Variants in CCDC102B observed in about 807,000 individuals in gnomAD.
CCDC102B encodes the protein coiled-coil domain-containing protein 102B.
Under a neutral mutation model 57.4 loss-of-function variants are expected in CCDC102B, and 75 were observed. The observed-to-expected ratio is 1.31, with a 90% CI of 1.08 to 1.58. The LOEUF (loss-of-function observed/expected upper bound fraction) is 1.58. CCDC102B is among the 40% of genes most tolerant of loss of function. The pLI is 0.00. For synonymous variants in CCDC102B, 206 were observed against 201.9 expected, an observed-to-expected ratio of 1.02 and a Z score of -0.17; for missense variants, 636 against 582.6, an observed-to-expected ratio of 1.09 and a Z score of -0.94.
intron 6 of CCDC102B, chr18:68,899,743 A>G (rs1165164036): frequency 6.6e-6 from 1 of 152,160 alleles, no homozygotes; most frequent in Non-Finnish European, 1.5e-5. Context: ...TAAAAATTTT[A>G]TAAGTCCCTA....
At chr18:68,944,397 T>C (rs1308070245) in intron 6 of CCDC102B, among the ~76,000 whole-genome samples, 1 of 152,108 alleles carries the variant, frequency 6.6e-6, no homozygotes, top group Non-Finnish European at 1.5e-5. Flanking sequence ...AGAAATATAT[T>C]TCTCACGTTT....
At chr18:68,996,306 T>C (rs902143686) in intron 6 of CCDC102B, among the ~76,000 whole-genome samples, 2 of 152,146 alleles carry the variant, frequency 1.3e-5, no homozygotes, top group African/African-American at 2.4e-5. Flanking sequence ...TAAAAATCTT[T>C]TGGACTCTTA....
In CCDC102B at chr18:68,914,665, G is replaced by A. The variant is rs1435385077; in HGVS notation, c.1263+17237G>A. ...TTATCACACCACCACTACTATCTCC[G>A]ACCTCACTGATTCACCAGAAATTGG... On this transcript the variant is annotated intron_variant, in intron 6 of 7. Transcript: ENST00000360242. Among the ~76,000 whole-genome samples the A allele has an allele frequency of 7.9e-5, 12 of 152,042 alleles. No individual in the cohort carries two copies. In the East Asian group the frequency reaches 1.7e-3, roughly 22 times the overall value.
intron 2 of CCDC102B, among the ~76,000 whole-genome samples, chr18:68,781,154 A>T (rs1194675202): frequency 6.6e-6 from 1 of 152,138 alleles, no homozygotes; most frequent in Non-Finnish European, 1.5e-5. Flanking sequence ...TGAAAAGTAC[A>T]AAACAAAATG....
chr18:68,799,089 G>A (rs1306583341), intron 1 of CCDC102B, among the ~76,000 whole-genome samples: 1 of 151,926 alleles, frequency 6.6e-6, no homozygotes, highest in Non-Finnish European at 1.5e-5. Flanking sequence ...GGGAAATGGT[G>A]TTATTACAAC....
chr18:68,915,579 T>G (rs2041042747), intron 6 of CCDC102B, among the ~76,000 whole-genome samples: 1 of 152,232 alleles, frequency 6.6e-6, no homozygotes, highest in African/African-American at 2.4e-5. Flanking sequence ...AGATTTGTCC[T>G]TTATTAAATA....
At chr18:68,735,837 T>C (rs975163678) in intron 2 of CCDC102B, among the ~76,000 whole-genome samples, 1 of 152,226 alleles carries the variant, frequency 6.6e-6, no homozygotes, top group African/African-American at 2.4e-5. Context: ...TCTGTTGTTC[T>C]AACTGAATGT....
In CCDC102B at chr18:68,874,725, A is replaced by G. The variant is rs749331952; in HGVS notation, c.993A>G (p.Ile331Met). 4.3e-6 allele frequency: 7 copies of G among 1,612,400 alleles called. No individual in the cohort carries two copies. In the African/African-American group the frequency reaches 8.0e-5, roughly 18 times the overall value. Reference sequence around the variant, plus strand: ...AAATGCAAGAACTGTCAGGCAATATAAAGGAAGAATCCAAATCTCAAAACA... The same window carrying G: ...AAATGCAAGAACTGTCAGGCAATATGAAGGAAGAATCCAAATCTCAAAACA... ...NDEMQELSGN[I>M]KEESKSQNSK... The change falls in exon 5 of 8, where the codon ATA becomes ATG. Residue 331 changes from isoleucine to methionine, a missense_variant. By Grantham distance (10) the Ile-to-Met change is conservative. Coordinates refer to ENST00000360242, the MANE Select transcript of CCDC102B (RefSeq NM_024781.3).
At chr18:68,814,356 C>A (rs2144720804) in intron 1 of CCDC102B, among the ~76,000 whole-genome samples, 1 of 152,166 alleles carries the variant, frequency 6.6e-6, no homozygotes, top group East Asian at 1.9e-4. Context: ...TAGAGCATCT[C>A]TGTCAATGAA....
At chr18:68,910,214 A>G (rs550149825) in intron 6 of CCDC102B, among the ~76,000 whole-genome samples, 15 of 152,284 alleles carry the variant, frequency 9.9e-5, no homozygotes, top group African/African-American at 2.6e-4. Flanking sequence ...AATCCTTTCA[A>G]TCTGGTACGT....
intron 6 of CCDC102B, among the ~76,000 whole-genome samples, chr18:68,904,128 A>C (rs2040544199): frequency 6.6e-6 from 1 of 151,666 alleles, no homozygotes; most frequent in South Asian, 2.1e-4. Context: ...ATAAAATAGA[A>C]ATTATTATAG....
At chr18:68,796,928 T>C (rs1267760134), upstream of CCDC102B, among the ~76,000 whole-genome samples, 1 of 152,000 alleles carries the variant, frequency 6.6e-6, no homozygotes, top group African/African-American at 2.4e-5. Context: ...AATTCTTGGC[T>C]GGAGAACTTT....
chr18:68,775,857 T>C (rs1443657829), intron 2 of CCDC102B, among the ~76,000 whole-genome samples: 1 of 152,086 alleles, frequency 6.6e-6, no homozygotes, highest in Non-Finnish European at 1.5e-5. Context: ...TTTCACCATG[T>C]TGGCCAGGAT....
intron 2 of CCDC102B, among the ~76,000 whole-genome samples, chr18:68,785,368 G>T (rs1228883110): frequency 1.3e-5 from 2 of 152,116 alleles, no homozygotes; most frequent in Admixed American, 1.3e-4. Context: ...AGGTCAAATG[G>T]TACTTCCAGT....
intron 2 of CCDC102B, among the ~76,000 whole-genome samples, chr18:68,785,929 C>A (rs535145234): frequency 6.6e-6 from 1 of 151,702 alleles, no homozygotes; most frequent in South Asian, 2.1e-4. Flanking sequence ...ATGGTAAAGC[C>A]TAGGTTTTCT....
chr18:68,996,516 T>C (rs2099241), intron 6 of CCDC102B, among the ~76,000 whole-genome samples: 130,221 of 152,124 alleles, frequency 0.86, 57,765 homozygotes, highest in Non-Finnish European at 0.97. Flanking sequence ...CATACTTTCA[T>C]CTATCCTATT....
intron 1 of CCDC102B, among the ~76,000 whole-genome samples, chr18:68,833,924 T>C (rs1192914452): frequency 6.6e-6 from 1 of 152,140 alleles, no homozygotes; most frequent in Non-Finnish European, 1.5e-5. Context: ...TTTTCCCACG[T>C]ATCAGCGGCC....
rs1394310412 is a variant in CCDC102B, at chr18:68,873,994, C to T, written c.937-675C>T. On this transcript the variant is annotated intron_variant, in intron 4 of 7. Coordinates refer to ENST00000360242, the MANE Select transcript of CCDC102B (RefSeq NM_024781.3). ...CATTTTATGTATTTATCAAATTTCA[C>T]GGTTCTGCTGAAAATTTTTAATTTC... Among the ~76,000 whole-genome samples, 6 of 151,968 alleles carry T rather than the reference C, an allele frequency of 3.9e-5. No homozygotes were observed. In the East Asian group the frequency reaches 9.6e-4, roughly 24 times the overall value.
chr18:68,835,258 T>C (rs2037317209), intron 1 of CCDC102B, among the ~76,000 whole-genome samples: 1 of 152,198 alleles, frequency 6.6e-6, no homozygotes, highest in Admixed American at 6.5e-5. Context: ...TGCATTGGGC[T>C]AAGACTCTGT....
Sources: gnomAD v4.1 joint callset for allele counts (sites outside exome capture counted in the v4.1 genomes callset) on GRCh38, gnomAD v4.1.1 for gene constraint, MANE v1.5 for transcripts, NCBI Gene and HGNC (gene_info 2026-07-23, HGNC 2026-07-21) for gene names.